The following TRANK1 variants were observed in gnomAD, a reference collection of about 807,000 sequenced individuals.
The protein encoded by TRANK1 is TPR and ankyrin repeat-containing protein 1.
TRANK1 carries 198 observed loss-of-function variants against 266.0 expected under a neutral mutation model. The ratio of observed to expected loss-of-function variants is 0.74; its 90% CI spans 0.66 to 0.84. The LOEUF is 0.84. TRANK1 is among the 40% of genes least tolerant of loss of function. The pLI, the probability that TRANK1 is intolerant of heterozygous loss-of-function variation, is 0.00. For missense variants in TRANK1, 3,326 were observed against 3,634.6 expected (o/e 0.92, Z 2.18); for synonymous variants, 1,396 against 1,384.1 (o/e 1.01, Z -0.19).
intron 10 of TRANK1, among the ~76,000 whole-genome samples, chr3:36,862,463 A>G (rs1445881269): frequency 2.0e-5 from 3 of 152,194 alleles, no homozygotes; most frequent in Non-Finnish European, 4.4e-5. Flanking sequence ...TAAAAGGCAA[A>G]CTATTTAAAT....
Position 36,828,211 on chromosome 3 carries a change from C to A in TRANK1, c.*64G>T, listed in dbSNP as rs766926528. Reference sequence around the variant, plus strand: ...ACATTCTTTTTGTCTTCTGCCCCAGCGCTCAGAATTCTAAGTCAGAATGGA... The same window carrying A: ...ACATTCTTTTTGTCTTCTGCCCCAGAGCTCAGAATTCTAAGTCAGAATGGA... On this transcript the variant is annotated 3_prime_UTR_variant, in exon 24 of 24. Transcript: ENST00000645898. The A allele has an allele frequency of 4.9e-6, 6 of 1,221,954 alleles. No homozygotes were observed. Among genetic ancestry groups the A allele is most frequent in the Admixed American group, 4.0e-5 (2 of 50,208 alleles). 75.7% of individuals were successfully genotyped at this position (1,221,954 alleles called of 1,614,324 possible).
chr3:36,864,204 A>C (rs2079182144), intron 10 of TRANK1, 115 bp downstream of exon 10: 2 of 1,162,366 alleles, frequency 1.7e-6, no homozygotes, highest in Non-Finnish European at 2.3e-6. Flanking sequence ...TGAATGTTTT[A>C]CATGTAGATA....
Position 36,832,294 on chromosome 3 carries a change from A to G in TRANK1, c.7289T>C (p.Phe2430Ser). 6.2e-7 allele frequency: 1 copy of G among 1,613,960 alleles called. No homozygotes were observed. Among genetic ancestry groups the G allele is most frequent in the Non-Finnish European group, 8.5e-7 (1 of 1,179,894 alleles). Residue 2430 changes from phenylalanine (F) to serine (S), a missense_variant, in exon 22 of 24, where the codon TTT becomes TCT. Transcript: ENST00000645898. ...YRNPEDYKRL[F>S]FRFMNVLIKR... ...GATGAGGACATTCATGAAACGGAAAAAGAGCCTCTTGTAGTCTTCTGGGTT... is the reference window on the plus strand; with the variant it reads ...GATGAGGACATTCATGAAACGGAAAGAGAGCCTCTTGTAGTCTTCTGGGTT...
intron 18 of TRANK1, among the ~76,000 whole-genome samples, chr3:36,840,919 A>G (rs2078835371): frequency 1.3e-5 from 2 of 152,224 alleles, no homozygotes; most frequent in African/African-American, 4.8e-5. Flanking sequence ...ATGTTTCAGG[A>G]TTGTTATGCA....
intron 1 of TRANK1, among the ~76,000 whole-genome samples, chr3:36,940,130 C>A (rs2080476835): frequency 6.6e-6 from 1 of 151,736 alleles, no homozygotes; most frequent in Admixed American, 6.5e-5. Context: ...GGTGATCTAC[C>A]CGCCTCAGCC....
intron 10 of TRANK1, among the ~76,000 whole-genome samples, chr3:36,862,367 T>A (rs934656711): frequency 3.3e-5 from 5 of 152,204 alleles, no homozygotes; most frequent in Non-Finnish European, 7.3e-5. Flanking sequence ...TTCATTTTAA[T>A]ATTTAAAATG....
At chr3:36,868,792 C>G in intron 9 of TRANK1, among the ~76,000 whole-genome samples, 1 of 152,206 alleles carries the variant, frequency 6.6e-6, no homozygotes, top group East Asian at 1.9e-4. Context: ...AGTCAATACC[C>G]TATGCCTGCA....
intron 4 of TRANK1, among the ~76,000 whole-genome samples, chr3:36,896,839 A>G (rs1035698780): frequency 1.3e-5 from 2 of 152,138 alleles, no homozygotes; most frequent in African/African-American, 4.8e-5. Context: ...TACTAAAAAA[A>G]CAAAAATCAG....
chr3:36,835,010 T>G, intron 20 of TRANK1, 103 bp from the exon 21 acceptor site: 1 of 1,223,660 alleles, frequency 8.2e-7, no homozygotes, highest in Non-Finnish European at 1.1e-6. Flanking sequence ...TATGTCTGCT[T>G]TCTGTTAGAA....
At chr3:36,892,879 A>G (rs1313761790) in intron 6 of TRANK1, 22 bp downstream of exon 6, 3 of 982,580 alleles carry the variant, frequency 3.1e-6, no homozygotes, top group Non-Finnish European at 4.1e-6. Context: ...ATAGATATAT[A>G]TAGATATATA....
chr3:36,864,469 C>T lies in TRANK1; in HGVS notation c.1090G>A (p.Gly364Ser). ...CSKDLSGFSN[G>S]DGPTSENDIF... Reference sequence around the variant, plus strand: ...TCGTTTTCACTAGTGGGTCCATCACCATTGCTGAATCCTACAAAACAGCAC... The same window carrying T: ...TCGTTTTCACTAGTGGGTCCATCACTATTGCTGAATCCTACAAAACAGCAC... Residue 364 changes from glycine (G) to serine (S), a missense_variant, in exon 10 of 24, where the codon GGT becomes AGT. By Grantham distance (56) the Gly-to-Ser change is moderately conservative. Coordinates refer to ENST00000645898, the MANE Select transcript of TRANK1 (RefSeq NM_001329998.2). The T allele has an allele frequency of 1.3e-6, 2 of 1,530,704 alleles. No individual in the cohort carries two copies. The highest frequency in any genetic ancestry group is 1.7e-6 in the Non-Finnish European group (2 of 1,145,132). The allele number at this position is 1,530,704 out of a possible 1,614,324, so 94.8% of individuals were successfully genotyped here. A position where few individuals can be genotyped will look rare whatever the true frequency, so the allele number is the denominator to read the frequency against.
chr3:36,939,919 C>T lies in TRANK1; in HGVS notation c.23+4868G>A, dbSNP rs536506482. Among the ~76,000 whole-genome samples the T allele has an allele frequency of 9.9e-5, 15 of 151,406 alleles. No individual in the cohort carries two copies. In the South Asian group the frequency reaches 3.1e-3, roughly 32 times the overall value. ...TTTTTTTTTTCTTTTGAGACGGAGT[C>T]TTGCTTTGTAGCCCAGGCTTGAGTG... On this transcript the variant is annotated intron_variant, in intron 1 of 23. Transcript: ENST00000645898.
intron 17 of TRANK1, among the ~76,000 whole-genome samples, chr3:36,844,977 A>G (rs1405897271): frequency 2.0e-5 from 3 of 152,042 alleles, no homozygotes; most frequent in African/African-American, 7.2e-5. Context: ...AGGGCTGATT[A>G]TTTCTCTTCT....
intron 8 of TRANK1, among the ~76,000 whole-genome samples, chr3:36,877,953 C>T (rs1475391290): frequency 6.6e-6 from 1 of 152,100 alleles, no homozygotes; most frequent in Non-Finnish European, 1.5e-5. Flanking sequence ...AAAACAAATA[C>T]TGAAAAGACT....
chr3:36,937,814 C>T lies in TRANK1; in HGVS notation c.23+6973G>A, dbSNP rs145556717. 7.8e-4 allele frequency among the ~76,000 whole-genome samples: 118 copies of T among 152,228 alleles called. 1 individual carries two copies. The highest frequency in any genetic ancestry group is 2.5e-3 in the South Asian group (12 of 4,816). On this transcript the variant is annotated intron_variant, in intron 1 of 23. Coordinates refer to ENST00000645898, the MANE Select transcript of TRANK1 (RefSeq NM_001329998.2). Reference sequence around the variant, plus strand: ...AGGAACTATGAAGTTGGGAGCAGCCCCGAAAAGGGAGTACACCAGGCACTC... The same window carrying T: ...AGGAACTATGAAGTTGGGAGCAGCCTCGAAAAGGGAGTACACCAGGCACTC...
rs2080055943 is a variant in TRANK1 at position 36,911,758 on chromosome 3, CAACT to C, written c.24-3308_24-3305del. On this transcript the variant is annotated intron_variant, in intron 1 of 23. Coordinates refer to ENST00000645898, the MANE Select transcript of TRANK1 (RefSeq NM_001329998.2). ...TCTTTAAAAAAAAGAAAAAACTGAC[CAACT>C]GATGATTTATTTATAAGATGAAATT... Among the ~76,000 whole-genome samples the C allele has an allele frequency of 2.0e-5, 3 of 152,004 alleles. No homozygotes were observed. In the South Asian group the frequency reaches 6.2e-4, roughly 32 times the overall value.
intron 23 of TRANK1, 26 bp from the exon 24 acceptor site, chr3:36,828,401 G>T: frequency 1.6e-6 from 1 of 615,270 alleles, no homozygotes; most frequent in South Asian, 1.5e-5. Flanking sequence ...AGGAAGGAAG[G>T]AAGGAAGGAA....
In TRANK1 at chr3:36,892,862, T is replaced by TATATAG. The variant is rs1553626394; in HGVS notation, c.636+38_636+39insCTATAT. On this transcript the variant is annotated intron_variant, in intron 6 of 23. Transcript: ENST00000645898. ...CAAAACAAAACAAAACATATATATA[T>TATATAG]ATATATATAGATATATATAGATATA... The TATATAG allele has an allele frequency of 2.7e-4, 203 of 739,960 alleles. No homozygotes were observed. The African/African-American group carries it at 3.8e-3, about 14-fold the overall frequency. 45.8% of individuals were successfully genotyped at this position (739,960 alleles called of 1,614,324 possible).
Position 36,852,255 on chromosome 3 carries a change from A to G in TRANK1, c.4640T>C (p.Phe1547Ser), listed in dbSNP as rs2078994581. The change falls in exon 14 of 24, where the codon TTT becomes TCT. Residue 1547 changes from phenylalanine (F) to serine (S), a missense_variant. By Grantham distance (155) the Phe-to-Ser change is radical (BLOSUM62 -2). Transcript: ENST00000645898. ...FDRLPRDSGL[F>S]DGPKPTVLES... ...CAGAACAGTTGGCTTAGGACCATCA[A>G]AGAGGCCAGAATCCCTTGGAAGGCG... The G allele has an allele frequency of 6.2e-7, 1 of 1,613,818 alleles. No individual in the cohort carries two copies. The highest frequency in any genetic ancestry group is 8.5e-7 in the Non-Finnish European group (1 of 1,179,828).
Sources: allele counts gnomAD v4.1 joint callset (sites outside exome capture counted in the v4.1 genomes callset), GRCh38; gene constraint gnomAD v4.1.1; transcripts MANE v1.5; gene names NCBI Gene and HGNC (gene_info 2026-07-23, HGNC 2026-07-21).